Variants in TMCC1 observed in about 807,000 individuals in gnomAD.
The protein encoded by TMCC1 is transmembrane and coiled-coil domain family 1.
Under a neutral mutation model 52.4 loss-of-function variants are expected in TMCC1, and 15 were observed. That is an observed-to-expected ratio of 0.29 (90% CI 0.19 to 0.44). The LOEUF is 0.44. Ranked by LOEUF, TMCC1 falls within the 20% of genes least tolerant of loss-of-function variation. The pLI, the probability that TMCC1 is intolerant of heterozygous loss-of-function variation, is 1.00. For synonymous variants in TMCC1, 279 were observed against 301.9 expected (o/e 0.92, Z 0.79); for missense variants, 503 against 806.0 (o/e 0.62, Z 4.55).
chr3:129,798,714 A>C (rs2057005829), intron 4 of TMCC1, among the ~76,000 whole-genome samples: 1 of 152,204 alleles, frequency 6.6e-6, no homozygotes, highest in Non-Finnish European at 1.5e-5. Flanking sequence ...AATTGCACAG[A>C]CTTGTTAACT....
chr3:129,833,333 C>T (rs1226149952), intron 2 of TMCC1, among the ~76,000 whole-genome samples: 6 of 152,106 alleles, frequency 3.9e-5, no homozygotes, highest in African/African-American at 1.2e-4. Flanking sequence ...AATCCCAGCA[C>T]TCCGAGGCAG....
chr3:129,649,567 T>A lies in TMCC1; in HGVS notation c.*1914A>T, dbSNP rs1157997244. 1 of 152,478 alleles carries A rather than the reference T, an allele frequency of 6.6e-6. No individual in the cohort carries two copies. Among genetic ancestry groups the A allele is most frequent in the Non-Finnish European group, 1.5e-5 (1 of 68,012 alleles). 9.4% of individuals were successfully genotyped at this position (152,478 alleles called of 1,614,324 possible). A position where few individuals can be genotyped will look rare whatever the true frequency, so the allele number is the denominator to read the frequency against. On this transcript the variant is annotated 3_prime_UTR_variant, in exon 7 of 7. Coordinates refer to ENST00000393238, the MANE Select transcript of TMCC1 (RefSeq NM_001017395.5). ...ACCTGAGTTAAAATATCAAAGTAGT[T>A]ATGGAAACAACATGCTGGCTCTGAG...
intron 4 of TMCC1, among the ~76,000 whole-genome samples, chr3:129,775,292 C>G (rs780433607): frequency 2.6e-5 from 4 of 151,948 alleles, no homozygotes; most frequent in Non-Finnish European, 4.4e-5. Flanking sequence ...CACATCTTAA[C>G]CACAACAACA....
intron 6 of TMCC1, among the ~76,000 whole-genome samples, chr3:129,654,196 A>T (rs1023843402): frequency 6.6e-6 from 1 of 152,164 alleles, no homozygotes; most frequent in African/African-American, 2.4e-5. Context: ...GTTTCCTGGG[A>T]TTTGAGGTAA....
In TMCC1 at chr3:129,650,505, CTG is replaced by C. The variant is rs959157924; in HGVS notation, c.*974_*975del. Reference sequence around the variant, plus strand: ...TTACAGCAAGACTTTCTTACTCAAACTGTTTCAAGACAAGAGGGAGCAGCACA... The same window carrying C: ...TTACAGCAAGACTTTCTTACTCAAACTTTCAAGACAAGAGGGAGCAGCACA... On this transcript the variant is annotated 3_prime_UTR_variant, in exon 7 of 7. Coordinates refer to ENST00000393238, the MANE Select transcript of TMCC1 (RefSeq NM_001017395.5). 1.3e-5 allele frequency: 2 copies of C among 152,540 alleles called. No homozygotes were observed. Among genetic ancestry groups the C allele is most frequent in the African/African-American group, 4.8e-5 (2 of 41,404 alleles). 9.4% of individuals were successfully genotyped at this position (152,540 alleles called of 1,614,324 possible).
intron 4 of TMCC1, among the ~76,000 whole-genome samples, chr3:129,709,577 A>C (rs1281386793): frequency 6.6e-6 from 1 of 151,548 alleles, no homozygotes; most frequent in Non-Finnish European, 1.5e-5. Context: ...CCTGAGGTCC[A>C]AGTTTTTTGT....
chr3:129,744,500 G>T (rs1473651073), intron 4 of TMCC1, among the ~76,000 whole-genome samples: 1 of 151,916 alleles, frequency 6.6e-6, no homozygotes, highest in Non-Finnish European at 1.5e-5. Flanking sequence ...TGCCCAGGCT[G>T]GTCTCAAACT....
chr3:129,821,602 T>C (rs1453778291), intron 4 of TMCC1, among the ~76,000 whole-genome samples: 1 of 152,174 alleles, frequency 6.6e-6, no homozygotes, highest in African/African-American at 2.4e-5. Flanking sequence ...GGCAATAAGA[T>C]AACAGAGGGA....
chr3:129,695,950 C>T (rs1397695949), intron 4 of TMCC1, among the ~76,000 whole-genome samples: 6 of 152,102 alleles, frequency 3.9e-5, no homozygotes, highest in African/African-American at 9.7e-5. Context: ...TCTGGCATAA[C>T]GTTATGTGAC....
intron 4 of TMCC1, among the ~76,000 whole-genome samples, chr3:129,824,688 C>T (rs1343427351): frequency 2.6e-5 from 4 of 152,070 alleles, no homozygotes; most frequent in African/African-American, 9.7e-5. Context: ...AATGAGAAAG[C>T]CAAAATACAT....
At chr3:129,762,588 G>A (rs758336979) in intron 4 of TMCC1, among the ~76,000 whole-genome samples, 36 of 151,606 alleles carry the variant, frequency 2.4e-4, no homozygotes, top group Middle Eastern at 3.4e-3. Context: ...AGGAGTTCAA[G>A]ACCAGCCTAA....
At chr3:129,699,798 G>A (rs1287705694) in intron 4 of TMCC1, among the ~76,000 whole-genome samples, 2 of 152,012 alleles carry the variant, frequency 1.3e-5, no homozygotes, top group Non-Finnish European at 2.9e-5. Flanking sequence ...GTATGGTGTG[G>A]GGCATGCCTT....
chr3:129,728,307 A>G (rs796548025), intron 4 of TMCC1, among the ~76,000 whole-genome samples: 41 of 152,274 alleles, frequency 2.7e-4, no homozygotes, highest in African/African-American at 9.1e-4. Flanking sequence ...TTGTTCTGAG[A>G]TGGAGTCTTG....
intron 2 of TMCC1, among the ~76,000 whole-genome samples, chr3:129,857,812 C>A (rs1485232074): frequency 6.6e-6 from 1 of 152,208 alleles, no homozygotes; most frequent in African/African-American, 2.4e-5. Flanking sequence ...AGCCGCCCGC[C>A]TCAGCCTCCC....
intron 4 of TMCC1, among the ~76,000 whole-genome samples, chr3:129,706,565 A>G (rs992260832): frequency 2.6e-5 from 4 of 152,204 alleles, no homozygotes; most frequent in South Asian, 2.1e-4. Context: ...CCAAAAAGGA[A>G]GAGAAGAAAC....
intron 4 of TMCC1, among the ~76,000 whole-genome samples, chr3:129,798,392 A>C (rs1444897372): frequency 6.6e-6 from 1 of 152,110 alleles, no homozygotes; most frequent in Non-Finnish European, 1.5e-5. Context: ...GGAATGTAAG[A>C]AGGATTCATG....
At chr3:129,786,374 T>C (rs2056034589) in intron 4 of TMCC1, among the ~76,000 whole-genome samples, 1 of 152,198 alleles carries the variant, frequency 6.6e-6, no homozygotes, top group Non-Finnish European at 1.5e-5. Context: ...GTGATTTGCA[T>C]ACGAAGGAAT....
chr3:129,831,021 G>A (rs1239669154), intron 3 of TMCC1, among the ~76,000 whole-genome samples: 1 of 152,098 alleles, frequency 6.6e-6, no homozygotes, highest in Non-Finnish European at 1.5e-5. Context: ...TGCAGCCTCT[G>A]CCTCCTGGGT....
chr3:129,736,918 C>A (rs2051019829), intron 4 of TMCC1, among the ~76,000 whole-genome samples: 2 of 152,130 alleles, frequency 1.3e-5, no homozygotes, highest in African/African-American at 4.8e-5. Flanking sequence ...TAATAAACAG[C>A]CATATACCTA....
Sources: allele counts gnomAD v4.1 joint callset (sites outside exome capture counted in the v4.1 genomes callset), GRCh38; gene constraint gnomAD v4.1.1; transcripts MANE v1.5; gene names NCBI Gene and HGNC (gene_info 2026-07-23, HGNC 2026-07-21).